Variants in CTDSPL observed in about 807,000 individuals in gnomAD.
CTDSPL encodes CTD small phosphatase-like protein.
A neutral mutation model predicts 30.5 loss-of-function variants in CTDSPL; 8 were observed. That is an observed-to-expected ratio of 0.26 (90% confidence interval 0.15 to 0.47). The LOEUF is 0.47. Among genes scored for constraint, CTDSPL ranks in the 20% least tolerant of loss-of-function variants. The pLI is 0.99. For missense variants in CTDSPL, 248 were observed against 366.1 expected, an observed-to-expected ratio of 0.68 and a Z score of 2.63; for synonymous variants, 110 against 137.9, an observed-to-expected ratio of 0.80 and a Z score of 1.42.
intron 1 of CTDSPL, among the ~76,000 whole-genome samples, chr3:37,924,949 A>C (rs1213332550): frequency 6.6e-6 from 1 of 151,822 alleles, no homozygotes; most frequent in Non-Finnish European, 1.5e-5. Flanking sequence ...TTTCTCCTCA[A>C]AGCATTCACT....
rs116281186 is a variant in CTDSPL, at chr3:37,964,620, A to G, written c.317A>G (p.Lys106Arg). The change falls in exon 4 of 8, where the codon AAG (lysine) becomes AGG (arginine). Residue 106 changes from lysine to arginine, a missense_variant. Coordinates refer to ENST00000273179, the MANE Select transcript of CTDSPL (RefSeq NM_001008392.2). ...LPEVTVLDYG[K>R]KCVVIDLDET... ...GAGGTGACGGTGCTTGACTATGGAA[A>G]GAAATGTGTGGTCATTGATTTAGAT... 1.1e-3 allele frequency: 1,793 copies of G among 1,614,084 alleles called. 24 individuals are homozygous for G. The African/African-American group carries it at 0.02, about 18-fold the overall frequency.
intron 1 of CTDSPL, among the ~76,000 whole-genome samples, chr3:37,886,591 G>A (rs1248005558): frequency 6.6e-6 from 1 of 152,162 alleles, no homozygotes; most frequent in Non-Finnish European, 1.5e-5. Flanking sequence ...TTACTAATGA[G>A]GTGCCTGATA....
At chr3:37,962,646 G>A (rs2125629835) in intron 3 of CTDSPL, among the ~76,000 whole-genome samples, 1 of 152,308 alleles carries the variant, frequency 6.6e-6, no homozygotes, top group East Asian at 1.9e-4. Context: ...AGAGATGCTA[G>A]GGTTAGAATT....
At position 37,889,435 on chromosome 3, in the gene CTDSPL, T is replaced by A. The variant is rs187373821; in HGVS notation, c.79+27157T>A. On this transcript the variant is annotated intron_variant, in intron 1 of 7. Transcript: ENST00000273179. ...GTAATAGAAGGGCTAGAAAATGAAA[T>A]CGGCGGTTTCCAAAAGGTAGAATGA... Among the ~76,000 whole-genome samples, 659 of 152,074 alleles carry A rather than the reference T, an allele frequency of 4.3e-3. 5 individuals carry two copies. The highest frequency in any genetic ancestry group is 0.015 in the African/African-American group (630 of 41,496).
At chr3:37,948,840 G>T (rs1699075310) in intron 2 of CTDSPL, among the ~76,000 whole-genome samples, 1 of 99,622 alleles carries the variant, frequency 1.0e-5, no homozygotes, top group Admixed American at 1.0e-4. Context: ...TTGAGACGGA[G>T]TCTCGCTCTG....
intron 2 of CTDSPL, among the ~76,000 whole-genome samples, chr3:37,948,398 A>G (rs970641280): frequency 6.6e-6 from 1 of 152,258 alleles, no homozygotes; most frequent in African/African-American, 2.4e-5. Context: ...GTCAAAATGG[A>G]ATTTCAGGAA....
Position 37,983,809 on chromosome 3 carries a change from C to T in CTDSPL, c.*2942C>T, listed in dbSNP as rs1304148440. 5.9e-6 allele frequency: 1 copy of T among 169,736 alleles called. No individual in the cohort carries two copies. The highest frequency in any genetic ancestry group is 2.4e-5 in the African/African-American group (1 of 42,320). 10.5% of individuals were successfully genotyped at this position (169,736 alleles called of 1,614,324 possible). ...ATGCATTAGCTGTTTGTAAATAATG[C>T]ATTTGCATACTGAAAAAGGAATGCC... On this transcript the variant is annotated 3_prime_UTR_variant, in exon 8 of 8. Transcript: ENST00000273179.
chr3:37,982,645 T>G lies in CTDSPL; in HGVS notation c.*1778T>G. On this transcript the variant is annotated 3_prime_UTR_variant, in exon 8 of 8. Transcript: ENST00000273179. ...GCTGTGTGAATATTCAGAAGGGAAG[T>G]AAGTATTCAGGGGGTAAACAGGTCT... 2.2e-6 allele frequency: 1 copy of G among 456,634 alleles called. No homozygotes were observed. Among genetic ancestry groups the G allele is most frequent in the Non-Finnish European group, 4.4e-6 (1 of 226,970 alleles). The allele number at this position is 456,634 out of a possible 1,614,324, so 28.3% of individuals were successfully genotyped here. A position where few individuals can be genotyped will look rare whatever the true frequency, so the allele number is the denominator to read the frequency against.
Position 37,874,541 on chromosome 3 carries a change from C to T in CTDSPL, c.79+12263C>T, listed in dbSNP as rs1698111763. On this transcript the variant is annotated intron_variant, in intron 1 of 7. Coordinates refer to ENST00000273179, the MANE Select transcript of CTDSPL (RefSeq NM_001008392.2). Reference sequence around the variant, plus strand: ...GGTCAAGAGATTGAGACCATCCTGGCCAACATGGTGAAACCCCGTCTCTAC... The same window carrying T: ...GGTCAAGAGATTGAGACCATCCTGGTCAACATGGTGAAACCCCGTCTCTAC... 2.6e-5 allele frequency among the ~76,000 whole-genome samples: 4 copies of T among 152,252 alleles called. No individual in the cohort carries two copies. The South Asian group carries it at 6.2e-4, about 24-fold the overall frequency.
At chr3:37,917,243 C>G (rs1316455099) in intron 1 of CTDSPL, among the ~76,000 whole-genome samples, 2 of 152,186 alleles carry the variant, frequency 1.3e-5, no homozygotes, top group Non-Finnish European at 2.9e-5. Flanking sequence ...AGGACTCAGT[C>G]CCCTCCCTCA....
intron 4 of CTDSPL, among the ~76,000 whole-genome samples, chr3:37,966,615 T>TTGCA (rs1699301355): frequency 6.6e-6 from 1 of 152,262 alleles, no homozygotes; most frequent in Non-Finnish European, 1.5e-5. Context: ...GATATTAAAC[T>TTGCA]CATCCTTGGC....
intron 2 of CTDSPL, among the ~76,000 whole-genome samples, chr3:37,952,699 A>G (rs780997469): frequency 1.3e-5 from 2 of 152,242 alleles, no homozygotes; most frequent in Non-Finnish European, 2.9e-5. Context: ...GGGTATAGCC[A>G]TTTGTCACAT....
chr3:37,948,278 C>A (rs1699065701), intron 2 of CTDSPL, among the ~76,000 whole-genome samples: 1 of 151,282 alleles, frequency 6.6e-6, no homozygotes. Flanking sequence ...GACTGAAACT[C>A]CATCTCAAAA....
At chr3:37,869,548 G>A (rs1302660190) in intron 1 of CTDSPL, among the ~76,000 whole-genome samples, 1 of 152,066 alleles carries the variant, frequency 6.6e-6, no homozygotes, top group African/African-American at 2.4e-5. Context: ...AGACAAACGT[G>A]TCATCAAATA....
intron 2 of CTDSPL, among the ~76,000 whole-genome samples, chr3:37,955,746 G>A (rs1225757632): frequency 3.9e-5 from 6 of 152,100 alleles, no homozygotes; most frequent in Non-Finnish European, 8.8e-5. Flanking sequence ...GGTACAGTGC[G>A]TATTACCTGG....
At chr3:37,886,002 T>C (rs1041680993) in intron 1 of CTDSPL, among the ~76,000 whole-genome samples, 1 of 152,024 alleles carries the variant, frequency 6.6e-6, no homozygotes, top group African/African-American at 2.4e-5. Flanking sequence ...GACATGTTCC[T>C]CCCCTCCATT....
At chr3:37,904,365 A>C (rs929062185) in intron 1 of CTDSPL, among the ~76,000 whole-genome samples, 3 of 152,138 alleles carry the variant, frequency 2.0e-5, no homozygotes, top group African/African-American at 7.2e-5. Context: ...TCAGGCATTG[A>C]GGAAAGGACC....
chr3:37,916,294 C>T (rs11712794), intron 1 of CTDSPL, among the ~76,000 whole-genome samples: 26,980 of 152,018 alleles, frequency 0.18, 2,631 homozygotes, highest in African/African-American at 0.25. Context: ...AGAGTTAGTC[C>T]GAGCTAACAT....
intron 1 of CTDSPL, among the ~76,000 whole-genome samples, chr3:37,912,012 A>G (rs1698589025): frequency 6.6e-6 from 1 of 152,194 alleles, no homozygotes; most frequent in African/African-American, 2.4e-5. Context: ...CTGTGAGCCA[A>G]GTTTGCACCA....
Sources: allele counts gnomAD v4.1 joint callset (sites outside exome capture counted in the v4.1 genomes callset), GRCh38; gene constraint gnomAD v4.1.1; transcripts MANE v1.5; gene names NCBI Gene and HGNC (gene_info 2026-07-23, HGNC 2026-07-21).